Variants in DCHS2 observed in about 807,000 individuals in gnomAD.
DCHS2 encodes the protein dachsous cadherin-related 2, also known as protocadherin-23.
DCHS2 carries 142 observed loss-of-function variants against 182.4 expected under a neutral mutation model. The observed-to-expected ratio is 0.78, with a 90% CI of 0.68 to 0.89. The LOEUF (loss-of-function observed/expected upper bound fraction) is 0.89, where lower values mean the gene tolerates loss of function less well. Among genes scored for constraint, DCHS2 ranks in the 40% least tolerant of loss-of-function variants. The pLI, the probability that DCHS2 is intolerant of heterozygous loss-of-function variation, is 0.00. For missense variants in DCHS2, 4,319 were observed against 4,198.6 expected, an observed-to-expected ratio of 1.03 and a Z score of -0.79; for synonymous variants, 1,740 against 1,663.3, an observed-to-expected ratio of 1.05 and a Z score of -1.12.
At chr4:154,377,551 A>G (rs1730967689) in intron 1 of DCHS2, 107 bp from the exon 2 acceptor site, 4 of 828,148 alleles carry the variant, frequency 4.8e-6, no homozygotes, top group Non-Finnish European at 7.3e-6. Context: ...CCCCATAGCT[A>G]TTCACAAAGC....
Position 154,235,700 on chromosome 4 carries a change from T to C in DCHS2, c.8952A>G (p.Gly2984=), listed in dbSNP as rs199574007. ...TGCTGGCGAACACTGCCAAGGGTGT[T>C]CCTTCAGAGGAGAAAGACACATTCA... is the stretch of plus-strand genomic sequence containing the variant. The part of the protein sequence containing the change: ...VFVNVSFSSE[G]TPLAVFASSF... Residue 2984 remains glycine (G), a synonymous_variant, in exon 20 of 20, where the codon GGA becomes GGG. Transcript: ENST00000357232. 2.8e-5 allele frequency: 45 copies of C among 1,613,938 alleles called. No individual in the cohort carries two copies. Among genetic ancestry groups the C allele is most frequent in the Non-Finnish European group, 3.6e-5 (42 of 1,179,970 alleles).
rs1352186923 is a variant in DCHS2 at position 154,304,813 on chromosome 4, C to T, written c.5461G>A (p.Asp1821Asn). The T allele has an allele frequency of 1.9e-6, 3 of 1,613,830 alleles. No individual in the cohort carries two copies. The highest frequency in any genetic ancestry group is 2.5e-6 in the Non-Finnish European group (3 of 1,179,888). The change falls in exon 12 of 20, where the codon GAT becomes AAT. Residue 1821 changes from aspartate (D) to asparagine (N), a missense_variant. Coordinates refer to ENST00000357232, the MANE Select transcript of DCHS2 (RefSeq NM_001358235.2). ...STTTILCTVE[D>N]ENDHAPEFIV... ...AACTCTGGTGCGTGATCGTTTTCAT[C>T]TTCAACAGTGCAGAGGATTGTTGTG...
intron 1 of DCHS2, among the ~76,000 whole-genome samples, chr4:154,484,530 A>C (rs751449707): frequency 2.0e-5 from 3 of 152,194 alleles, no homozygotes; most frequent in Non-Finnish European, 2.9e-5. Flanking sequence ...TCCTATCCCC[A>C]TGGATTACAT....
chr4:154,432,315 A>G (rs2110937366), intron 1 of DCHS2, among the ~76,000 whole-genome samples: 1 of 152,330 alleles, frequency 6.6e-6, no homozygotes, highest in East Asian at 1.9e-4. Context: ...GCTTATCTAC[A>G]ACTATGATTT....
chr4:154,387,306 A>G (rs925248803), intron 1 of DCHS2, among the ~76,000 whole-genome samples: 2 of 152,204 alleles, frequency 1.3e-5, no homozygotes, highest in East Asian at 1.9e-4. Context: ...AACTTGTCCT[A>G]TAAGGTGTTA....
At chr4:154,474,397 T>C (rs1324908608) in intron 1 of DCHS2, among the ~76,000 whole-genome samples, 1 of 152,096 alleles carries the variant, frequency 6.6e-6, no homozygotes, top group Non-Finnish European at 1.5e-5. Context: ...AAAAATGCCC[T>C]CAGCTAAAGG....
At chr4:154,283,227 T>C (rs543564331) in intron 13 of DCHS2, among the ~76,000 whole-genome samples, 3 of 152,250 alleles carry the variant, frequency 2.0e-5, no homozygotes, top group Non-Finnish European at 2.9e-5. Flanking sequence ...CTTCCTATCA[T>C]TAAAAATGGC....
intron 3 of DCHS2, among the ~76,000 whole-genome samples, chr4:154,336,096 T>G (rs2111373222): frequency 6.6e-6 from 1 of 152,292 alleles, no homozygotes; most frequent in East Asian, 1.9e-4. Flanking sequence ...CTTTTTAAAC[T>G]GACTCCACTC....
chr4:154,268,323 A>G (rs980502273), intron 14 of DCHS2, among the ~76,000 whole-genome samples: 4 of 151,574 alleles, frequency 2.6e-5, no homozygotes, highest in Non-Finnish European at 5.9e-5. Context: ...TGGGGCCATT[A>G]TTAAGTTACA....
chr4:154,443,057 A>G (rs1734103776), intron 1 of DCHS2, among the ~76,000 whole-genome samples: 1 of 151,974 alleles, frequency 6.6e-6, no homozygotes, highest in Non-Finnish European at 1.5e-5. Context: ...TACTCACTCC[A>G]GTATCCACTC....
intron 14 of DCHS2, among the ~76,000 whole-genome samples, chr4:154,266,397 C>T (rs1231175913): frequency 1.3e-5 from 2 of 152,042 alleles, no homozygotes; most frequent in Non-Finnish European, 2.9e-5. Flanking sequence ...AAAGCTTCGC[C>T]TGTAATCCCA....
intron 1 of DCHS2, among the ~76,000 whole-genome samples, chr4:154,479,386 A>G (rs1175517685): frequency 2.8e-5 from 3 of 106,404 alleles, no homozygotes; most frequent in Non-Finnish European, 6.7e-5. Flanking sequence ...AATAGAGCAG[A>G]AAAAAATATT....
At chr4:154,333,774 A>C (rs1728633632) in intron 4 of DCHS2, 2 of 412,070 alleles carry the variant, frequency 4.9e-6, no homozygotes, top group Non-Finnish European at 8.8e-6. Flanking sequence ...ATCGACTGTA[A>C]CATTTAGCCT....
chr4:154,480,909 T>C (rs1463764209), intron 1 of DCHS2, among the ~76,000 whole-genome samples: 2 of 152,082 alleles, frequency 1.3e-5, no homozygotes, highest in African/African-American at 2.4e-5. Flanking sequence ...ATTACAGACA[T>C]GAGCCACTGC....
chr4:154,362,482 T>C (rs944496937), intron 3 of DCHS2, among the ~76,000 whole-genome samples: 1 of 152,190 alleles, frequency 6.6e-6, no homozygotes, highest in Non-Finnish European at 1.5e-5. Context: ...CTTAGGACTG[T>C]GTTTACACTG....
In DCHS2 at chr4:154,239,558, G is replaced by A. The variant is rs566019203; in HGVS notation, c.7360-256C>T. On this transcript the variant is annotated intron_variant, in intron 18 of 19. Transcript: ENST00000357232. ...CAGTCTTGCTCTGTTGCCCAGGCTG[G>A]AGTGCAGTGGCGCAGTCTTAGCTCA... Among the ~76,000 whole-genome samples the A allele has an allele frequency of 2.2e-4, 33 of 152,272 alleles. No homozygotes were observed. In the South Asian group the frequency reaches 6.4e-3, roughly 30 times the overall value.
rs1226504488 is a variant in DCHS2 at position 154,490,677 on chromosome 4, T to C, written c.679A>G (p.Thr227Ala). Residue 227 changes from threonine (T) to alanine (A), a missense_variant, in exon 1 of 20, where the codon ACT becomes GCT. Thr to Ala is a moderately conservative substitution (Grantham distance 58). Transcript: ENST00000357232. ...AGCGGTGACGGTAGTGGCCCCGGAG[T>C]CCGGTAGCGCAACTGGAAGAACGGG... Reference protein sequence around the residue: ...AGPFFQLRYRTPGPLPSPLLP... With the variant: ...AGPFFQLRYRAPGPLPSPLLP... 1 of 1,550,654 alleles carries C rather than the reference T, an allele frequency of 6.4e-7. No individual in the cohort carries two copies. Among genetic ancestry groups the C allele is most frequent in the Non-Finnish European group, 8.7e-7 (1 of 1,146,760 alleles).
intron 1 of DCHS2, among the ~76,000 whole-genome samples, chr4:154,389,536 A>ATAT (rs1485000004): frequency 2.8e-5 from 4 of 144,510 alleles, no homozygotes; most frequent in Non-Finnish European, 6.1e-5. Flanking sequence ...ATATATATAT[A>ATAT]ACCTTTTTTT....
intron 2 of DCHS2, among the ~76,000 whole-genome samples, chr4:154,367,737 T>C (rs1730452353): frequency 6.6e-6 from 1 of 152,124 alleles, no homozygotes; most frequent in African/African-American, 2.4e-5. Context: ...GTTTCCTTTT[T>C]CTACTCTGGC....
Sources: gnomAD v4.1 joint callset for allele counts (sites outside exome capture counted in the v4.1 genomes callset) on GRCh38, gnomAD v4.1.1 for gene constraint, MANE v1.5 for transcripts, NCBI Gene and HGNC (gene_info 2026-07-23, HGNC 2026-07-21) for gene names.